ARNT2: variants seen among roughly 807,000 people sequenced by gnomAD.
ARNT2 encodes the protein ARNT protein 2.
Under a neutral mutation model 91.7 loss-of-function variants are expected in ARNT2, and 36 were observed. The ratio of observed to expected loss-of-function variants is 0.39; its 90% CI spans 0.30 to 0.52. ARNT2 has a LOEUF of 0.52. ARNT2 is among the 20% of genes least tolerant of loss of function. ARNT2 has a pLI of 0.72. For missense variants in ARNT2, 775 were observed against 939.3 expected, an observed-to-expected ratio of 0.83 and a Z score of 2.29; for synonymous variants, 365 against 347.1, an observed-to-expected ratio of 1.05 and a Z score of -0.57.
At chr15:80,485,738 C>T (rs1226668414) in intron 5 of ARNT2, among the ~76,000 whole-genome samples, 1 of 152,080 alleles carries the variant, frequency 6.6e-6, no homozygotes, top group Admixed American at 6.6e-5. Context: ...GGATTTTAAC[C>T]AGTAGAGGCC....
At position 80,508,135 on chromosome 15, in the gene ARNT2, C is replaced by T. The variant is rs1456986869; in HGVS notation, c.623-21C>T. 3.1e-6 allele frequency: 5 copies of T among 1,612,510 alleles called. No homozygotes were observed. The East Asian group carries it at 1.1e-4, about 36-fold the overall frequency. ...CAACCGAAGGCAGAGGCTTACGTAACTGTCCTTCTCTCTCTCTTAGGCCGG... is the reference window on the plus strand; with the variant it reads ...CAACCGAAGGCAGAGGCTTACGTAATTGTCCTTCTCTCTCTCTTAGGCCGG... On this transcript the variant is annotated intron_variant, in intron 5 of 18. Coordinates refer to ENST00000303329, the MANE Select transcript of ARNT2 (RefSeq NM_014862.4).
intron 1 of ARNT2, among the ~76,000 whole-genome samples, chr15:80,422,593 G>A (rs1469073098): frequency 6.6e-6 from 1 of 152,200 alleles, no homozygotes; most frequent in Non-Finnish European, 1.5e-5. Flanking sequence ...ACCGCAAATG[G>A]AAGTTCTCAG....
chr15:80,508,089 C>T (rs1337051073), intron 5 of ARNT2, 67 bp from the exon 6 acceptor site: 17 of 1,503,022 alleles, frequency 1.1e-5, no homozygotes, highest in African/African-American at 2.8e-5. Context: ...AAGCACTCCC[C>T]GAACTCCCTC....
At chr15:80,405,972 A>G (rs1018423647) in intron 1 of ARNT2, among the ~76,000 whole-genome samples, 1 of 152,192 alleles carries the variant, frequency 6.6e-6, no homozygotes, top group Non-Finnish European at 1.5e-5. Flanking sequence ...TTTCTGGAAG[A>G]CTGATTTGTC....
chr15:80,417,829 A>T (rs1410204384), intron 1 of ARNT2, among the ~76,000 whole-genome samples: 2 of 152,176 alleles, frequency 1.3e-5, no homozygotes, highest in Non-Finnish European at 1.5e-5. Context: ...CTGGCCATGC[A>T]CTAGGGCTGT....
chr15:80,588,939 G>A (rs973158394), intron 17 of ARNT2, among the ~76,000 whole-genome samples: 5 of 152,168 alleles, frequency 3.3e-5, no homozygotes, highest in African/African-American at 1.2e-4. Context: ...TCTCCAGTGT[G>A]TGTACAGTAC....
At chr15:80,592,813 G>A (rs1893303914) in intron 18 of ARNT2, among the ~76,000 whole-genome samples, 2 of 152,226 alleles carry the variant, frequency 1.3e-5, no homozygotes, top group South Asian at 2.1e-4. Context: ...GATCTTCATG[G>A]TCACGATGCT....
At chr15:80,461,335 G>A (rs1280151971) in intron 3 of ARNT2, among the ~76,000 whole-genome samples, 1 of 152,214 alleles carries the variant, frequency 6.6e-6, no homozygotes, top group Non-Finnish European at 1.5e-5. Context: ...GGTGGTTAAG[G>A]TCTCAATGAG....
intron 8 of ARNT2, among the ~76,000 whole-genome samples, chr15:80,540,065 A>G (rs977982453): frequency 3.3e-5 from 5 of 152,250 alleles, no homozygotes; most frequent in Admixed American, 1.3e-4. Context: ...AGAAATCAAT[A>G]TATCAAAGAG....
chr15:80,437,036 A>G (rs1224760574), intron 1 of ARNT2, among the ~76,000 whole-genome samples: 1 of 150,908 alleles, frequency 6.6e-6, no homozygotes, highest in Non-Finnish European at 1.5e-5. Context: ...CACTTTTCAC[A>G]CAGCTTGTCC....
chr15:80,432,826 A>G (rs1393398058), intron 1 of ARNT2, among the ~76,000 whole-genome samples: 1 of 152,158 alleles, frequency 6.6e-6, no homozygotes, highest in African/African-American at 2.4e-5. Flanking sequence ...CCAGAAGCTC[A>G]TGCTCCCCTA....
intron 9 of ARNT2, 79 bp from the exon 10 acceptor site, chr15:80,552,561 A>G: frequency 6.6e-7 from 1 of 1,522,748 alleles, no homozygotes; most frequent in Non-Finnish European, 9.0e-7. Context: ...ATGCACATGG[A>G]TTATTCTTCT....
intron 1 of ARNT2, among the ~76,000 whole-genome samples, chr15:80,448,536 A>G (rs1029213586): frequency 6.6e-6 from 1 of 152,166 alleles, no homozygotes; most frequent in Non-Finnish European, 1.5e-5. Flanking sequence ...ATATTGCCAA[A>G]ACTATCGGCA....
intron 1 of ARNT2, chr15:80,441,248 C>T (rs1348730166): frequency 1.0e-6 from 1 of 985,238 alleles, no homozygotes; most frequent in Non-Finnish European, 1.2e-6. Context: ...ATGACATTTT[C>T]TCAGCAGAAT....
At chr15:80,530,729 G>C (rs992567078) in intron 8 of ARNT2, among the ~76,000 whole-genome samples, 1 of 152,140 alleles carries the variant, frequency 6.6e-6, no homozygotes, top group Non-Finnish European at 1.5e-5. Flanking sequence ...GCTTTGCCTT[G>C]CAAAGTGGGG....
intron 8 of ARNT2, among the ~76,000 whole-genome samples, chr15:80,528,193 G>T (rs1359110856): frequency 6.6e-6 from 1 of 152,134 alleles, no homozygotes; most frequent in Non-Finnish European, 1.5e-5. Context: ...CACAGGCGGG[G>T]GTGGCAAGGA....
chr15:80,519,265 G>C (rs1005839694), intron 8 of ARNT2, among the ~76,000 whole-genome samples: 1 of 152,176 alleles, frequency 6.6e-6, no homozygotes, highest in African/African-American at 2.4e-5. Flanking sequence ...CTCCAAAGAT[G>C]ATTTTGAGGG....
In ARNT2 at chr15:80,512,447, G is replaced by A. The variant is rs184883372; in HGVS notation, c.726-1464G>A. 1.9e-3 allele frequency among the ~76,000 whole-genome samples: 295 copies of A among 152,314 alleles called. 9 individuals are homozygous for A. In the South Asian group the frequency reaches 0.044, roughly 23 times the overall value. On this transcript the variant is annotated intron_variant, in intron 6 of 18. Transcript: ENST00000303329. ...ATGGTGCTGGAATGACAGAAAGCAC[G>A]CATGTCTCCATTTAACTTAGGACTG...
chr15:80,574,129 T>A lies in ARNT2; in HGVS notation c.1317-19T>A. 3.7e-6 allele frequency: 6 copies of A among 1,612,690 alleles called. No individual in the cohort carries two copies. The highest frequency in any genetic ancestry group is 5.1e-6 in the Non-Finnish European group (6 of 1,178,684). The stretch of plus-strand genomic sequence containing the variant: ...CCCTTCTGTTCTTCATGACCCTCTG[T>A]TGTCTTCTTGTTTCACAGGCAACTT... On this transcript the variant is annotated intron_variant, in intron 12 of 18. Transcript: ENST00000303329.
Sources: gnomAD v4.1 joint callset for allele counts (sites outside exome capture counted in the v4.1 genomes callset) on GRCh38, gnomAD v4.1.1 for gene constraint, MANE v1.5 for transcripts, NCBI Gene and HGNC (gene_info 2026-07-23, HGNC 2026-07-21) for gene names.